The following CSMD1 variants were observed in gnomAD, a reference collection of about 807,000 sequenced individuals.
The protein encoded by CSMD1 is CUB and Sushi multiple domains 1, also known as CUB and sushi domain-containing protein 1.
A neutral mutation model predicts 417.5 loss-of-function variants in CSMD1; 213 were observed. The ratio of observed to expected loss-of-function variants is 0.51; its 90% CI spans 0.46 to 0.57. CSMD1 has a LOEUF of 0.57. Ranked by LOEUF, CSMD1 falls within the 20% of genes least tolerant of loss-of-function variation. The pLI is 0.00. For synonymous variants in CSMD1, 2,862 were observed against 1,736.8 expected, an observed-to-expected ratio of 1.65 and a Z score of -16.11; for missense variants, 6,923 against 4,529.7, an observed-to-expected ratio of 1.53 and a Z score of -15.17.
At chr8:3,065,383 A>C (rs191875078) in intron 49 of CSMD1, among the ~76,000 whole-genome samples, 1 of 152,238 alleles carries the variant, frequency 6.6e-6, no homozygotes, top group African/African-American at 2.4e-5. Flanking sequence ...GGTCAAAAGA[A>C]AGATAGAAAG....
At chr8:3,344,720 A>T (rs1807876623) in intron 22 of CSMD1, among the ~76,000 whole-genome samples, 1 of 152,216 alleles carries the variant, frequency 6.6e-6, no homozygotes, top group Admixed American at 6.5e-5. Flanking sequence ...CTTTATACAG[A>T]TTAATTTTTC....
intron 6 of CSMD1, among the ~76,000 whole-genome samples, chr8:3,740,997 C>T (rs1195007376): frequency 6.6e-6 from 1 of 151,950 alleles, no homozygotes; most frequent in African/African-American, 2.4e-5. Context: ...GACGGATCAC[C>T]TCAGGTCAGG....
chr8:3,556,414 T>TATATATATA (rs1349911850), intron 10 of CSMD1, among the ~76,000 whole-genome samples: 3 of 142,016 alleles, frequency 2.1e-5, no homozygotes, highest in Non-Finnish European at 3.0e-5. Context: ...TATATATATA[T>TATATATATA]TCACACACAC....
intron 26 of CSMD1, among the ~76,000 whole-genome samples, chr8:3,282,582 G>A (rs1179222205): frequency 2.6e-5 from 4 of 151,980 alleles, no homozygotes; most frequent in Admixed American, 2.6e-4. Context: ...TGGAGTAAAG[G>A]ACTTTTTTTC....
intron 3 of CSMD1, among the ~76,000 whole-genome samples, chr8:4,136,366 T>C (rs780964733): frequency 1.3e-5 from 2 of 152,174 alleles, no homozygotes; most frequent in Non-Finnish European, 2.9e-5. Context: ...TGAGCACAAA[T>C]GAAGCTGCCT....
chr8:3,577,192 T>C (rs1800186351), intron 9 of CSMD1, among the ~76,000 whole-genome samples: 1 of 152,196 alleles, frequency 6.6e-6, no homozygotes. Context: ...GGCCCCTCAC[T>C]TGGCTTATGA....
chr8:4,749,959 T>C (rs921415262), intron 1 of CSMD1, among the ~76,000 whole-genome samples: 1 of 152,018 alleles, frequency 6.6e-6, no homozygotes, highest in Non-Finnish European at 1.5e-5. Context: ...CATGGTTCCC[T>C]CAAGTGCCTG....
At chr8:4,678,368 G>T (rs62484569) in intron 1 of CSMD1, among the ~76,000 whole-genome samples, 2 of 152,102 alleles carry the variant, frequency 1.3e-5, no homozygotes, top group African/African-American at 4.8e-5. Context: ...CCAAGATCAT[G>T]TGACTGCATT....
chr8:4,342,002 G>C (rs1301800959), intron 3 of CSMD1, among the ~76,000 whole-genome samples: 4 of 152,086 alleles, frequency 2.6e-5, no homozygotes, highest in African/African-American at 9.7e-5. Context: ...CCACCATGCA[G>C]TCATTTTAAG....
chr8:4,301,259 TG>T (rs1228788193), intron 3 of CSMD1, among the ~76,000 whole-genome samples: 1 of 152,152 alleles, frequency 6.6e-6, no homozygotes, highest in Admixed American at 6.6e-5. Context: ...CATCATTCTT[TG>T]GCCCTCCACA....
intron 57 of CSMD1, among the ~76,000 whole-genome samples, chr8:2,967,712 T>G (rs1804093088): frequency 6.6e-6 from 1 of 152,190 alleles, no homozygotes; most frequent in African/African-American, 2.4e-5. Flanking sequence ...AAAATACTTT[T>G]GCACATTTAA....
At position 4,194,289 on chromosome 8, in the gene CSMD1, A is replaced by C. The variant is rs185209252; in HGVS notation, c.416-162190T>G. ...GAAATTATAATGAAGGAATAATATA[A>C]AATGTTCCCAAGTCATTCCTATAGG... is the stretch of plus-strand genomic sequence containing the variant. On this transcript the variant is annotated intron_variant, in intron 3 of 69. Transcript: ENST00000635120. 1.5e-3 allele frequency among the ~76,000 whole-genome samples: 222 copies of C among 152,268 alleles called. 1 individual carries two copies. Among genetic ancestry groups the C allele is most frequent in the Non-Finnish European group, 2.5e-3 (171 of 68,028 alleles).
At chr8:4,648,595 G>T (rs1427560812) in intron 1 of CSMD1, among the ~76,000 whole-genome samples, 2 of 151,132 alleles carry the variant, frequency 1.3e-5, no homozygotes, top group African/African-American at 2.4e-5. Context: ...ATTTTTTTTT[G>T]CACAGTGGCT....
chr8:3,581,072 G>T (rs547894824), intron 9 of CSMD1, among the ~76,000 whole-genome samples: 11 of 152,184 alleles, frequency 7.2e-5, no homozygotes, highest in Middle Eastern at 3.4e-3. Context: ...ATCTCAGGGA[G>T]CAACTCAAAA....
intron 2 of CSMD1, among the ~76,000 whole-genome samples, chr8:4,454,904 T>C (rs1799377393): frequency 6.6e-6 from 1 of 152,156 alleles, no homozygotes; most frequent in Admixed American, 6.5e-5. Context: ...CTACAGAAAC[T>C]GAAGTCTTAC....
intron 50 of CSMD1, among the ~76,000 whole-genome samples, chr8:3,037,532 A>G (rs999714298): frequency 3.9e-5 from 6 of 152,068 alleles, no homozygotes; most frequent in African/African-American, 1.4e-4. Flanking sequence ...TATCTTTGCT[A>G]TTGCAAACTG....
intron 3 of CSMD1, among the ~76,000 whole-genome samples, chr8:4,082,636 T>A (rs1040627208): frequency 2.0e-5 from 3 of 152,128 alleles, no homozygotes; most frequent in Admixed American, 6.5e-5. Context: ...TATTACACTT[T>A]AACTTTTAGG....
In CSMD1 at chr8:4,907,824, G is replaced by A. The variant is rs2028236; in HGVS notation, c.85+86508C>T. ...CAAGCAATCCTCTTTCCTCAGCCTC[G>A]CAAAGTGCTGGGATTACAGACAATA... On this transcript the variant is annotated intron_variant, in intron 1 of 69. Coordinates refer to ENST00000635120, the MANE Select transcript of CSMD1 (RefSeq NM_033225.6). Among the ~76,000 whole-genome samples the A allele has an allele frequency of 6.8e-4, 103 of 151,300 alleles. 2 individuals carry two copies. The South Asian group carries it at 0.019, about 28-fold the overall frequency.
chr8:3,930,874 C>G (rs1259783305), intron 5 of CSMD1, among the ~76,000 whole-genome samples: 2 of 150,578 alleles, frequency 1.3e-5, no homozygotes, highest in Admixed American at 1.3e-4. Flanking sequence ...ACATTTTAGT[C>G]TAGTTTTAAA....
Sources: gnomAD v4.1 joint callset for allele counts (sites outside exome capture counted in the v4.1 genomes callset) on GRCh38, gnomAD v4.1.1 for gene constraint, MANE v1.5 for transcripts, NCBI Gene and HGNC (gene_info 2026-07-23, HGNC 2026-07-21) for gene names.